WWP2: variants seen among roughly 807,000 people sequenced by gnomAD.
WWP2 encodes the protein WW domain containing E3 ubiquitin protein ligase 2, also known as NEDD4-like E3 ubiquitin-protein ligase WWP2.
WWP2 carries 57 observed loss-of-function variants against 121.0 expected under a neutral mutation model. The ratio of observed to expected loss-of-function variants is 0.47; its 90% confidence interval spans 0.38 to 0.59. The LOEUF (loss-of-function observed/expected upper bound fraction) is 0.59, where lower values mean the gene tolerates loss of function less well. WWP2 is among the 20% of genes least tolerant of loss of function. The pLI is 0.00. For missense variants in WWP2, 962 were observed against 1,158.9 expected (o/e 0.83, Z 2.47); for synonymous variants, 449 against 441.3 (o/e 1.02, Z -0.22).
chr16:69,769,535 A>G (rs939406225), intron 1 of WWP2, among the ~76,000 whole-genome samples: 2 of 152,116 alleles, frequency 1.3e-5, no homozygotes, highest in African/African-American at 4.8e-5. Flanking sequence ...TTTCATCTCA[A>G]GATCGGTGTT....
intron 23 of WWP2, 22 bp downstream of exon 23, chr16:69,939,435 G>T (rs563012425): frequency 5.0e-6 from 8 of 1,613,684 alleles, no homozygotes. Flanking sequence ...GGTTTTAGTG[G>T]GAGGTCGGGG....
In WWP2 at chr16:69,939,338, C is replaced by T; in HGVS notation, c.2441-3C>T. ...CGTCGGCGTGTTTTACCTTGGATCA[C>T]AGGTAGCAACGGACCACAGAAGTTT... On this transcript the variant is annotated splice_region_variant and splice_polypyrimidine_tract_variant and intron_variant, in intron 22 of 23. Coordinates refer to ENST00000359154, the MANE Select transcript of WWP2 (RefSeq NM_001270454.2). The T allele has an allele frequency of 6.2e-7, 1 of 1,614,172 alleles. No homozygotes were observed. Among genetic ancestry groups the T allele is most frequent in the Non-Finnish European group, 8.5e-7 (1 of 1,180,020 alleles).
chr16:69,927,254 C>T (rs538554752), intron 11 of WWP2, among the ~76,000 whole-genome samples: 8 of 152,208 alleles, frequency 5.3e-5, no homozygotes, highest in African/African-American at 1.4e-4. Context: ...CAGGGCTCAC[C>T]GAGAATGAAC....
At chr16:69,868,743 G>T (rs1409781314) in intron 6 of WWP2, among the ~76,000 whole-genome samples, 1 of 151,986 alleles carries the variant, frequency 6.6e-6, no homozygotes, top group Non-Finnish European at 1.5e-5. Flanking sequence ...GCTTGCTGAG[G>T]GCTGCCTGCC....
At chr16:69,927,752 G>A (rs999759341) in intron 11 of WWP2, among the ~76,000 whole-genome samples, 2 of 152,258 alleles carry the variant, frequency 1.3e-5, no homozygotes, top group Non-Finnish European at 2.9e-5. Flanking sequence ...CCTTCTGTGT[G>A]TTCTGAGGTG....
At chr16:69,897,718 G>A (rs2058128235) in intron 8 of WWP2, among the ~76,000 whole-genome samples, 1 of 152,150 alleles carries the variant, frequency 6.6e-6, no homozygotes, top group African/African-American at 2.4e-5. Context: ...GACCAGCCTG[G>A]CCAATGTGGT....
intron 2 of WWP2, among the ~76,000 whole-genome samples, chr16:69,790,195 C>T (rs765202463): frequency 4.9e-4 from 75 of 151,894 alleles, no homozygotes; most frequent in Non-Finnish European, 8.7e-4. Flanking sequence ...TGCTGTGAGC[C>T]GAGACCACAC....
chr16:69,859,918 C>T (rs17241731), intron 6 of WWP2, among the ~76,000 whole-genome samples: 3,518 of 140,490 alleles, frequency 0.025, 60 homozygotes, highest in Non-Finnish European at 0.037. Flanking sequence ...CTGTGGTACA[C>T]GACGACATAC....
rs371719288 is a variant in WWP2 at position 69,871,865 on chromosome 16, G to T, written c.637G>T (p.Gly213Cys). The change falls in exon 7 of 24, where the codon GGT becomes TGT. Residue 213 changes from glycine (G) to cysteine (C), a missense_variant. Physicochemically the swap from Gly to Cys is radical, Grantham distance 159 (BLOSUM62 -3). Coordinates refer to ENST00000359154, the MANE Select transcript of WWP2 (RefSeq NM_001270454.2). The stretch of plus-strand genomic sequence containing the variant: ...CCCAGCAACCGGCGAGCAAAGCCCC[G>T]GTGCTCGGAGCCGGCACCGCCAGCC... Reference protein sequence around the residue: ...TTPATGEQSPGARSRHRQPVK... With the variant: ...TTPATGEQSPCARSRHRQPVK... 18 of 1,613,936 alleles carry T rather than the reference G, an allele frequency of 1.1e-5. No homozygotes were observed. The South Asian group carries it at 1.9e-4, about 17-fold the overall frequency.
intron 6 of WWP2, among the ~76,000 whole-genome samples, chr16:69,853,438 G>A (rs1249124681): frequency 6.6e-6 from 1 of 152,206 alleles, no homozygotes; most frequent in Non-Finnish European, 1.5e-5. Context: ...CACCACCACA[G>A]GACAAATGGC....
intron 4 of WWP2, among the ~76,000 whole-genome samples, chr16:69,820,892 G>C (rs1012839393): frequency 6.6e-6 from 1 of 151,990 alleles, no homozygotes; most frequent in African/African-American, 2.4e-5. Flanking sequence ...TCTAATTACT[G>C]AGGATGAACG....
chr16:69,788,955 G>C (rs2055850104), intron 2 of WWP2, among the ~76,000 whole-genome samples: 1 of 152,170 alleles, frequency 6.6e-6, no homozygotes, highest in Non-Finnish European at 1.5e-5. Context: ...GTCCTCCAGA[G>C]GCAAAATTGT....
At chr16:69,872,623 A>G (rs932737316) in intron 7 of WWP2, among the ~76,000 whole-genome samples, 6 of 152,214 alleles carry the variant, frequency 3.9e-5, no homozygotes, top group African/African-American at 7.2e-5. Context: ...AGACTAAGGA[A>G]ATGTAGGACT....
intron 7 of WWP2, among the ~76,000 whole-genome samples, chr16:69,877,191 G>A (rs962943765): frequency 3.3e-5 from 5 of 152,164 alleles, no homozygotes; most frequent in African/African-American, 1.2e-4. Flanking sequence ...GGCCAACCCC[G>A]TCAATGATCT....
chr16:69,836,011 C>T (rs1241349608), intron 4 of WWP2, among the ~76,000 whole-genome samples: 1 of 152,102 alleles, frequency 6.6e-6, no homozygotes, highest in Non-Finnish European at 1.5e-5. Flanking sequence ...CCATGTTGGC[C>T]AGGCTGATCT....
In WWP2 at chr16:69,888,280, C is replaced by G. The variant is rs1169892095; in HGVS notation, c.914+31C>G. 5 of 1,600,538 alleles carry G rather than the reference C, an allele frequency of 3.1e-6. No homozygotes were observed. The South Asian group carries it at 3.3e-5, about 11-fold the overall frequency. On this transcript the variant is annotated intron_variant, in intron 8 of 23. Coordinates refer to ENST00000359154, the MANE Select transcript of WWP2 (RefSeq NM_001270454.2). The stretch of plus-strand genomic sequence containing the variant: ...TAGTCTTCTGTCCCATAACAGATCT[C>G]TCCTCCTCAAAGACTGAGGCTCCTT...
At chr16:69,762,921 C>T (rs1452201582) in intron 1 of WWP2, among the ~76,000 whole-genome samples, 1 of 152,124 alleles carries the variant, frequency 6.6e-6, no homozygotes, top group Non-Finnish European at 1.5e-5. Flanking sequence ...CAGGAGGGAT[C>T]ACAGAATCTT....
At chr16:69,933,280 A>G in intron 16 of WWP2, 2 of 374,468 alleles carry the variant, frequency 5.3e-6, no homozygotes, top group Non-Finnish European at 1.1e-5. Flanking sequence ...GCTCAAGCCC[A>G]AAAGGACTCT....
chr16:69,799,388 A>C lies in WWP2; in HGVS notation c.340+93A>C. The C allele has an allele frequency of 6.7e-7, 1 of 1,499,156 alleles. No homozygotes were observed. Among genetic ancestry groups the C allele is most frequent in the Non-Finnish European group, 9.0e-7 (1 of 1,116,788 alleles). 92.9% of individuals were successfully genotyped at this position (1,499,156 alleles called of 1,614,324 possible). On this transcript the variant is annotated intron_variant, in intron 4 of 23. Transcript: ENST00000359154. The surrounding 1 kb of genome is among the most constrained non-coding windows in gnomAD (Gnocchi z 4.5). ...TGGTATTGCAATTTCCCCCAGGACT[A>C]GGGGCTGCAGTACCTCTGTTCTCCT...
Sources: gnomAD v4.1 joint callset for allele counts (sites outside exome capture counted in the v4.1 genomes callset) on GRCh38, gnomAD v4.1.1 for gene constraint, Gnocchi (gnomAD v3.1) non-coding constraint, MANE v1.5 for transcripts, NCBI Gene and HGNC (gene_info 2026-07-23, HGNC 2026-07-21) for gene names.